The following RAB9B variants were observed in gnomAD, a reference collection of about 807,000 sequenced individuals.
RAB9B encodes the protein ras-related protein Rab-9B.
In RAB9B, 1 loss-of-function variant was observed where a neutral mutation model predicts 8.9. That is an observed-to-expected ratio of 0.11 (90% CI 0.04 to 0.53). RAB9B has a LOEUF of 0.53. Among genes scored for constraint, RAB9B ranks in the 20% least tolerant of loss-of-function variants. The pLI is 0.93. For missense variants in RAB9B, 82 were observed against 152.9 expected (o/e 0.54, Z 2.45); for synonymous variants, 63 against 57.0 (o/e 1.10, Z -0.47).
At chrX:103,788,076 G>A in the RAB9B span, 3 of 622,297 alleles carry the variant, frequency 4.8e-6, no homozygotes, top group South Asian at 4.6e-5. Flanking sequence ...AATATAAGAT[G>A]ATGAATGATT....
At chrX:103,787,930 A>G in the RAB9B span, 24 of 1,208,887 alleles carry the variant, frequency 2.0e-5, no homozygotes, top group Admixed American at 4.6e-4. Flanking sequence ...GACCTCTGCC[A>G]GTATAGGCAG....
the RAB9B span, among the ~76,000 whole-genome samples, chrX:103,783,168 AGTT>A: frequency 8.9e-6 from 1 of 111,798 alleles, no homozygotes; most frequent in Non-Finnish European, 1.9e-5. Flanking sequence ...AATCGATTTC[AGTT>A]GTTGTGTTTT....
At chrX:103,798,364 A>G in the RAB9B span, among the ~76,000 whole-genome samples, 2 of 112,120 alleles carry the variant, frequency 1.8e-5, no homozygotes, top group East Asian at 5.5e-4. Context: ...AGTGAGAACA[A>G]TGTGACTGAA....
chrX:103,792,586 A>G, the RAB9B span: 5 of 112,670 alleles, frequency 4.4e-5, no homozygotes, highest in African/African-American at 1.3e-4. Flanking sequence ...TTATAAAATT[A>G]AAGAAAATAA....
At chrX:103,778,661 G>C in the RAB9B span, among the ~76,000 whole-genome samples, 3 of 111,744 alleles carry the variant, frequency 2.7e-5, no homozygotes, top group Non-Finnish European at 3.8e-5. Context: ...ATAAGGGCAC[G>C]ATTGAGGATG....
the RAB9B span, among the ~76,000 whole-genome samples, chrX:103,801,628 A>G: frequency 8.9e-6 from 1 of 111,900 alleles, no homozygotes; most frequent in Admixed American, 9.5e-5. Flanking sequence ...AGAGATGAGC[A>G]CTATTATTAT....
chrX:103,788,076 G>T, the RAB9B span: 1 of 622,297 alleles, frequency 1.6e-6, no homozygotes, highest in Non-Finnish European at 2.7e-6. Context: ...AATATAAGAT[G>T]ATGAATGATT....
At chrX:103,790,485 C>G in the RAB9B span, 1 of 1,002,451 alleles carries the variant, frequency 1.0e-6, no homozygotes. Flanking sequence ...GGAGTGCTTT[C>G]TTTTCTACTC....
chrX:103,784,258 C>T, the RAB9B span, among the ~76,000 whole-genome samples: 1 of 111,635 alleles, frequency 9.0e-6, no homozygotes, highest in Non-Finnish European at 1.9e-5. Flanking sequence ...CACTTTAAGA[C>T]ACATGTGTTC....
chrX:103,823,299 T>A lies in RAB9B; in HGVS notation c.*1880A>T, dbSNP rs2074669986. On this transcript the variant is annotated 3_prime_UTR_variant, in exon 3 of 3. Transcript: ENST00000243298. ...GGACCAGTACTTAAGAGCTGTGGGG[T>A]CCCAGTTCTGGCTTTGACTTCTGGC... The A allele has an allele frequency of 8.9e-6, 1 of 111,963 alleles. No homozygotes were observed. The highest frequency in any genetic ancestry group is 3.3e-5 in the African/African-American group (1 of 30,749). 9.2% of individuals were successfully genotyped at this position (111,963 alleles called of 1,213,427 possible).
At chrX:103,801,076 T>A in the RAB9B span, among the ~76,000 whole-genome samples, 1 of 111,514 alleles carries the variant, frequency 9.0e-6, no homozygotes, top group African/African-American at 3.3e-5. Context: ...CAAGCATAGA[T>A]CCATTGTAAG....
chrX:103,787,535 C>T, the RAB9B span: 1 of 423,899 alleles, frequency 2.4e-6, no homozygotes, highest in Non-Finnish European at 4.1e-6. Flanking sequence ...CCAAAAACAT[C>T]CTCTGAAGCC....
the RAB9B span, chrX:103,786,810 C>A: frequency 9.9e-7 from 1 of 1,015,097 alleles, no homozygotes; most frequent in Non-Finnish European, 1.4e-6. Context: ...CCACCCAAGG[C>A]TGGGTCCTCT....
Position 103,829,375 on chromosome X carries a change from C to T in RAB9B, c.-116-2297G>A, listed in dbSNP as rs1024969584. ...GTGTTGTGTCCTTACTAAGGAAACC[C>T]TCCACTCTCCTCTGCTGTCTCCAAC... On this transcript the variant is annotated intron_variant, in intron 1 of 2. Coordinates refer to ENST00000243298, the MANE Select transcript of RAB9B (RefSeq NM_016370.4). Among the ~76,000 whole-genome samples, 4 of 111,847 alleles carry T rather than the reference C, an allele frequency of 3.6e-5. No homozygotes were observed. The Admixed American group carries it at 3.8e-4, about 11-fold the overall frequency.
At chrX:103,815,853 G>A in the RAB9B span, among the ~76,000 whole-genome samples, 226 of 111,413 alleles carry the variant, frequency 2.0e-3, 2 homozygotes, top group East Asian at 0.022. Context: ...AGAGAATAAA[G>A]TGCCTAGGAA....
Position 103,825,029 on chromosome X carries a change from C to A in RAB9B, c.*150G>T. The A allele has an allele frequency of 4.9e-6, 3 of 616,306 alleles. No homozygotes were observed. The South Asian group carries it at 1.3e-4, about 27-fold the overall frequency. 50.8% of individuals were successfully genotyped at this position (616,306 alleles called of 1,213,427 possible). A position where few individuals can be genotyped will look rare whatever the true frequency, so the allele number is the denominator to read the frequency against. ...TAATTTTTAATTTTTTTAAATCAATCTACACTTCAATTTGAAAGGCTCTGT... is the reference window on the plus strand; with the variant it reads ...TAATTTTTAATTTTTTTAAATCAATATACACTTCAATTTGAAAGGCTCTGT... On this transcript the variant is annotated 3_prime_UTR_variant, in exon 3 of 3. Coordinates refer to ENST00000243298, the MANE Select transcript of RAB9B (RefSeq NM_016370.4).
At chrX:103,829,991 A>G (rs2074697279) in intron 1 of RAB9B, among the ~76,000 whole-genome samples, 1 of 111,758 alleles carries the variant, frequency 8.9e-6, no homozygotes, top group Non-Finnish European at 1.9e-5. Context: ...CCAAAATACT[A>G]TTATTTATAA....
At chrX:103,786,353 C>T in the RAB9B span, 9 of 1,053,646 alleles carry the variant, frequency 8.5e-6, no homozygotes, top group Non-Finnish European at 1.2e-5. Context: ...CTAGAAAATC[C>T]CTAGCCTTGT....
the RAB9B span, among the ~76,000 whole-genome samples, chrX:103,805,765 TA>T: frequency 0.23 from 25,444 of 110,911 alleles, 2,406 homozygotes; most frequent in Admixed American, 0.31. Flanking sequence ...TCTTTATAAT[TA>T]AAAAAATTCT....
Sources: allele counts gnomAD v4.1 joint callset (sites outside exome capture counted in the v4.1 genomes callset), GRCh38; gene constraint gnomAD v4.1.1; transcripts MANE v1.5; gene names NCBI Gene and HGNC (gene_info 2026-07-23, HGNC 2026-07-21).